SLC44A5: variants seen among roughly 807,000 people sequenced by gnomAD.
SLC44A5 encodes choline transporter-like protein 5.
SLC44A5 carries 57 observed loss-of-function variants against 101.8 expected under a neutral mutation model. That is an observed-to-expected ratio of 0.56 (90% CI 0.45 to 0.70). The LOEUF (loss-of-function observed/expected upper bound fraction) is 0.70. SLC44A5 is among the 30% of genes least tolerant of loss of function. The pLI is 0.00. For synonymous variants in SLC44A5, 281 were observed against 290.9 expected, an observed-to-expected ratio of 0.97 and a Z score of 0.35; for missense variants, 737 against 853.1, an observed-to-expected ratio of 0.86 and a Z score of 1.70.
chr1:75,403,678 A>G (rs1346623283), intron 2 of SLC44A5, among the ~76,000 whole-genome samples: 1 of 152,190 alleles, frequency 6.6e-6, no homozygotes, highest in Admixed American at 6.5e-5. Context: ...TGCCCACACA[A>G]AAACCCATCT....
intron 9 of SLC44A5, among the ~76,000 whole-genome samples, chr1:75,241,510 A>C (rs1294100192): frequency 1.3e-5 from 2 of 152,016 alleles, no homozygotes; most frequent in Non-Finnish European, 2.9e-5. Context: ...ATGAGCCCCT[A>C]TGCCTGGCCT....
intron 4 of SLC44A5, among the ~76,000 whole-genome samples, chr1:75,314,261 TAG>T (rs2100928155): frequency 6.6e-6 from 1 of 152,260 alleles, no homozygotes; most frequent in African/African-American, 2.4e-5. Context: ...TTACTAGACT[TAG>T]AGAATTTACC....
At chr1:75,595,047 G>A (rs1227493013) in intron 1 of SLC44A5, among the ~76,000 whole-genome samples, 1 of 151,758 alleles carries the variant, frequency 6.6e-6, no homozygotes, top group Non-Finnish European at 1.5e-5. Flanking sequence ...ATTACTTTTT[G>A]TTAACCAAGA....
intron 3 of SLC44A5, 103 bp from the exon 4 acceptor site, chr1:75,339,733 T>A: frequency 1.1e-6 from 1 of 910,308 alleles, no homozygotes. Flanking sequence ...CACTGCTCAG[T>A]GCAGTGATGA....
At chr1:75,545,030 C>A (rs566380208) in intron 1 of SLC44A5, among the ~76,000 whole-genome samples, 2 of 152,094 alleles carry the variant, frequency 1.3e-5, no homozygotes, top group African/African-American at 4.8e-5. Flanking sequence ...CCAAAAGGCC[C>A]TGGTGTGTGA....
chr1:75,545,835 T>C (rs1305850073), intron 1 of SLC44A5, among the ~76,000 whole-genome samples: 1 of 151,906 alleles, frequency 6.6e-6, no homozygotes, highest in Non-Finnish European at 1.5e-5. Context: ...TTTTTTTTTT[T>C]TTCTTTGAGT....
At position 75,495,227 on chromosome 1, in the gene SLC44A5, G is replaced by A. The variant is rs570688827; in HGVS notation, c.13+46208C>T. Reference sequence around the variant, plus strand: ...TCCCAGCACTTTGGGAGGCTGAGGCGGGTGGATCATGAGGTCAGGAGATTG... The same window carrying A: ...TCCCAGCACTTTGGGAGGCTGAGGCAGGTGGATCATGAGGTCAGGAGATTG... On this transcript the variant is annotated intron_variant, in intron 2 of 23. Transcript: ENST00000370859. Among the ~76,000 whole-genome samples, 10 of 152,186 alleles carry A rather than the reference G, an allele frequency of 6.6e-5. 1 individual carries two copies. Among genetic ancestry groups the A allele is most frequent in the Middle Eastern group, 3.4e-3 (1 of 294 alleles).
chr1:75,677,119 G>C, the SLC44A5 span, among the ~76,000 whole-genome samples: 1 of 151,866 alleles, frequency 6.6e-6, no homozygotes, highest in Non-Finnish European at 1.5e-5. Flanking sequence ...TCTTCAATCA[G>C]AAAGAAAAGG....
At chr1:75,660,108 G>A in the SLC44A5 span, among the ~76,000 whole-genome samples, 2 of 145,026 alleles carry the variant, frequency 1.4e-5, no homozygotes, top group Non-Finnish European at 1.6e-5. Context: ...GGAGGCTGAG[G>A]TATGAGAATT....
At chr1:75,540,917 A>T (rs1671321060) in intron 2 of SLC44A5, among the ~76,000 whole-genome samples, 1 of 152,192 alleles carries the variant, frequency 6.6e-6, no homozygotes, top group African/African-American at 2.4e-5. Context: ...AATCAGGGCT[A>T]AGTTTGAAGT....
At chr1:75,310,642 AAAT>A (rs1239997441) in intron 4 of SLC44A5, among the ~76,000 whole-genome samples, 1 of 152,228 alleles carries the variant, frequency 6.6e-6, no homozygotes, top group Non-Finnish European at 1.5e-5. Flanking sequence ...CAATTACAAA[AAAT>A]AAGATTTTCC....
intron 10 of SLC44A5, among the ~76,000 whole-genome samples, chr1:75,238,154 T>C (rs1648275501): frequency 6.7e-6 from 1 of 149,956 alleles, no homozygotes; most frequent in South Asian, 2.1e-4. Context: ...CTTTCTTTTA[T>C]TTTCCTTTTT....
Position 75,479,931 on chromosome 1 carries a change from G to A in SLC44A5, c.13+61504C>T, listed in dbSNP as rs1051634681. Among the ~76,000 whole-genome samples, 11 of 152,150 alleles carry A rather than the reference G, an allele frequency of 7.2e-5. No homozygotes were observed. In the East Asian group the frequency reaches 1.2e-3, roughly 16 times the overall value. On this transcript the variant is annotated intron_variant, in intron 2 of 23. Coordinates refer to ENST00000370859, the MANE Select transcript of SLC44A5 (RefSeq NM_001130058.2). ...CCAGCATCATCCTGATACCAAAGCC[G>A]GGCAGAGACACAACCAAAAAAAGAG...
the SLC44A5 span, among the ~76,000 whole-genome samples, chr1:75,658,399 CA>C: frequency 6.6e-6 from 1 of 151,294 alleles, no homozygotes; most frequent in Non-Finnish European, 1.5e-5. Context: ...TTAACAAATT[CA>C]AAAAAAATCA....
chr1:75,673,394 G>A, the SLC44A5 span, among the ~76,000 whole-genome samples: 3 of 152,048 alleles, frequency 2.0e-5, no homozygotes, highest in African/African-American at 7.2e-5. Flanking sequence ...CCAACTCACT[G>A]TAGTAGAATA....
chr1:75,486,336 G>A (rs1301162598), intron 2 of SLC44A5, among the ~76,000 whole-genome samples: 1 of 152,060 alleles, frequency 6.6e-6, no homozygotes, highest in Non-Finnish European at 1.5e-5. Context: ...ATGGGCATAT[G>A]TCTGTGTGTG....
chr1:75,469,804 G>A (rs1667006520), intron 2 of SLC44A5, among the ~76,000 whole-genome samples: 2 of 151,540 alleles, frequency 1.3e-5, no homozygotes, highest in African/African-American at 2.4e-5. Context: ...GGAAGCTGAG[G>A]TGGGAGGATC....
chr1:75,367,450 C>T (rs573236210), intron 3 of SLC44A5, among the ~76,000 whole-genome samples: 45 of 152,132 alleles, frequency 3.0e-4, no homozygotes, highest in Non-Finnish European at 5.6e-4. Flanking sequence ...AGAAGGTGGG[C>T]CTATTAACAG....
intron 2 of SLC44A5, among the ~76,000 whole-genome samples, chr1:75,453,894 G>T (rs185945037): frequency 6.6e-6 from 1 of 152,128 alleles, no homozygotes; most frequent in East Asian, 1.9e-4. Flanking sequence ...TGCTGAAATC[G>T]AATCAGTAAT....
Sources: gnomAD v4.1 joint callset for allele counts (sites outside exome capture counted in the v4.1 genomes callset) on GRCh38, gnomAD v4.1.1 for gene constraint, MANE v1.5 for transcripts, NCBI Gene and HGNC (gene_info 2026-07-23, HGNC 2026-07-21) for gene names.